Variants in POU3F3 observed in about 807,000 individuals in gnomAD.
POU3F3 encodes POU domain, class 3, transcription factor 3.
Under a neutral mutation model 8.6 loss-of-function variants are expected in POU3F3, and 1 was observed. The ratio of observed to expected loss-of-function variants is 0.12; its 90% CI spans 0.04 to 0.55. The LOEUF (loss-of-function observed/expected upper bound fraction) is 0.55, where lower values mean the gene tolerates loss of function less well. Among genes scored for constraint, POU3F3 ranks in the 20% least tolerant of loss-of-function variants. POU3F3 has a pLI of 0.91. For missense variants in POU3F3, 577 were observed against 690.7 expected (o/e 0.84, Z 1.84); for synonymous variants, 418 against 327.4 (o/e 1.28, Z -2.99).
At chr2:104,911,559 C>T in the POU3F3 span, among the ~76,000 whole-genome samples, 15 of 152,052 alleles carry the variant, frequency 9.9e-5, no homozygotes, top group Non-Finnish European at 1.8e-4. Context: ...GAACCATGTC[C>T]TGAAAGCCTG....
chr2:104,886,075 G>A, the POU3F3 span, among the ~76,000 whole-genome samples: 1 of 152,110 alleles, frequency 6.6e-6, no homozygotes, highest in African/African-American at 2.4e-5. Context: ...GGGATTATAG[G>A]CGTGAGCCAC....
At chr2:104,918,181 C>T in the POU3F3 span, among the ~76,000 whole-genome samples, 1 of 152,222 alleles carries the variant, frequency 6.6e-6, no homozygotes, top group African/African-American at 2.4e-5. Context: ...CATCTGGATA[C>T]TGCATCTGGT....
At chr2:104,868,134 C>T in the POU3F3 span, 2 of 387,934 alleles carry the variant, frequency 5.2e-6, no homozygotes, top group African/African-American at 2.1e-5. Context: ...ACCCGGATGA[C>T]CTCCAACTTC....
At position 104,858,021 on chromosome 2, in the gene POU3F3, C is replaced by T. The variant is rs1306430649; in HGVS notation, c.*1008C>T. 5.9e-5 allele frequency: 9 copies of T among 152,196 alleles called. No homozygotes were observed. Among genetic ancestry groups the T allele is most frequent in the Admixed American group, 5.9e-4 (9 of 15,290 alleles). 9.4% of individuals were successfully genotyped at this position (152,196 alleles called of 1,614,324 possible). A position where few individuals can be genotyped will look rare whatever the true frequency, so the allele number is the denominator to read the frequency against. On this transcript the variant is annotated 3_prime_UTR_variant, in exon 1 of 1. Transcript: ENST00000361360. ...CGCGTACCCAGGCTTTGACGGCTGC[C>T]ATTCAGGGTGGACGATGCCTAAAGA... is the stretch of plus-strand genomic sequence containing the variant.
the POU3F3 span, among the ~76,000 whole-genome samples, chr2:104,894,999 A>C: frequency 6.6e-6 from 1 of 152,068 alleles, no homozygotes; most frequent in South Asian, 2.1e-4. Context: ...TTTACAAAAA[A>C]TCCAAAAAAA....
rs969223295 is a variant in POU3F3, at chr2:104,857,073, ACCGCCGCCGCCCCTGCCGCCGCCGCCG to A, written c.*72_*98del. On this transcript the variant is annotated 3_prime_UTR_variant, in exon 1 of 1. Transcript: ENST00000361360. ...CGCCGCCTCCGCAGCCGCCGTCAGC[ACCGCCGCCGCCCCTGCCGCCGCCGCCG>A]CCGCCGCCGCCGCCGCTGCCGCCGC... The A allele has an allele frequency of 4.1e-5, 48 of 1,164,210 alleles. No homozygotes were observed. Among genetic ancestry groups the A allele is most frequent in the East Asian group, 3.9e-5 (1 of 25,846 alleles). The allele number at this position is 1,164,210 out of a possible 1,614,324, so 72.1% of individuals were successfully genotyped here.
At chr2:104,901,380 C>A in the POU3F3 span, among the ~76,000 whole-genome samples, 8 of 152,274 alleles carry the variant, frequency 5.3e-5, no homozygotes, top group South Asian at 1.7e-3. Flanking sequence ...ATGTTTTGGG[C>A]CTAATGAATC....
In POU3F3 at chr2:104,855,837, C is replaced by T. The variant is rs769870078; in HGVS notation, c.327C>T (p.Ala109=). The T allele has an allele frequency of 4.1e-4, 452 of 1,102,224 alleles. 8 individuals are homozygous for T. In the South Asian group the frequency reaches 0.011, roughly 26 times the overall value. The allele number at this position is 1,102,224 out of a possible 1,614,324, so 68.3% of individuals were successfully genotyped here. ...TGCCCCACGCCGCCGCCGCCGCCGCCGCTGCCGCCGCCGCCGCCGTGGAGG... is the reference window on the plus strand; with the variant it reads ...TGCCCCACGCCGCCGCCGCCGCCGCTGCTGCCGCCGCCGCCGCCGTGGAGG... ...TALPHAAAAA[A]AAAAAAVEAS... Residue 109 remains alanine, a synonymous_variant, in exon 1 of 1, where the codon GCC becomes GCT. Coordinates refer to ENST00000361360, the MANE Select transcript of POU3F3 (RefSeq NM_006236.3).
At chr2:104,893,460 T>C in the POU3F3 span, among the ~76,000 whole-genome samples, 1 of 152,342 alleles carries the variant, frequency 6.6e-6, no homozygotes, top group Admixed American at 6.5e-5. Flanking sequence ...AGTCTCTGGG[T>C]ATCTGCAGAG....
At chr2:104,903,484 C>T in the POU3F3 span, among the ~76,000 whole-genome samples, 1 of 152,224 alleles carries the variant, frequency 6.6e-6, no homozygotes, top group East Asian at 1.9e-4. Flanking sequence ...GTAAACATGA[C>T]TTCAGAGCTG....
At chr2:104,889,036 C>T in the POU3F3 span, among the ~76,000 whole-genome samples, 1 of 152,248 alleles carries the variant, frequency 6.6e-6, no homozygotes, top group African/African-American at 2.4e-5. Context: ...GCTCTGCACG[C>T]ATGAGTGGAA....
chr2:104,904,546 A>C, the POU3F3 span, among the ~76,000 whole-genome samples: 1 of 152,234 alleles, frequency 6.6e-6, no homozygotes, highest in East Asian at 1.9e-4. Context: ...TGTGAATCTC[A>C]AACAAGAATA....
the POU3F3 span, among the ~76,000 whole-genome samples, chr2:104,885,963 A>G: frequency 3.3e-5 from 5 of 151,876 alleles, no homozygotes; most frequent in African/African-American, 1.2e-4. Context: ...CGCCCGGCTA[A>G]TTTTTGTATT....
the POU3F3 span, chr2:104,868,292 G>C: frequency 4.4e-6 from 2 of 456,576 alleles, no homozygotes; most frequent in Admixed American, 2.3e-5. Flanking sequence ...CTCAGGGCCC[G>C]AGTTCAGGGC....
the POU3F3 span, among the ~76,000 whole-genome samples, chr2:104,891,801 C>T: frequency 1.3e-5 from 2 of 152,102 alleles, no homozygotes; most frequent in African/African-American, 4.8e-5. Context: ...GCGCAGTCTC[C>T]CCGACATCAA....
rs1676509037 is a variant in POU3F3, at chr2:104,854,560, C to T, written c.-951C>T. On this transcript the variant is annotated 5_prime_UTR_variant, in exon 1 of 1. Transcript: ENST00000361360. The surrounding 1 kb of genome is among the most constrained non-coding windows in gnomAD (Gnocchi z 4.5). The stretch of plus-strand genomic sequence containing the variant: ...GTTATATTTGTTTCCTAATTTCTGC[C>T]CAAAAGGAAAGATGTCGCATCAGAC... 6.6e-6 allele frequency among the ~76,000 whole-genome samples: 1 copy of T among 152,008 alleles called. No homozygotes were observed. The highest frequency in any genetic ancestry group is 1.5e-5 in the Non-Finnish European group (1 of 68,016).
At chr2:104,924,185 A>T in the POU3F3 span, among the ~76,000 whole-genome samples, 1 of 152,358 alleles carries the variant, frequency 6.6e-6, no homozygotes, top group Non-Finnish European at 1.5e-5. Flanking sequence ...AAAGCATGTT[A>T]TTTAAAAAAT....
chr2:104,924,617 TCTC>T, the POU3F3 span, among the ~76,000 whole-genome samples: 1 of 152,198 alleles, frequency 6.6e-6, no homozygotes, highest in South Asian at 2.1e-4. Flanking sequence ...TGTCGATCCT[TCTC>T]CTTTATAATC....
At chr2:104,887,388 C>T in the POU3F3 span, among the ~76,000 whole-genome samples, 27 of 152,216 alleles carry the variant, frequency 1.8e-4, no homozygotes, top group African/African-American at 6.5e-4. Context: ...ATGCCTCTGA[C>T]ATAACGACAC....
Sources: gnomAD v4.1 joint callset for allele counts (sites outside exome capture counted in the v4.1 genomes callset) on GRCh38, gnomAD v4.1.1 for gene constraint, Gnocchi (gnomAD v3.1) non-coding constraint, MANE v1.5 for transcripts, NCBI Gene and HGNC (gene_info 2026-07-23, HGNC 2026-07-21) for gene names.